FBN2: variants seen among roughly 807,000 people sequenced by gnomAD.
FBN2 encodes the protein fibrillin-2.
In FBN2, 105 loss-of-function variants were observed where a neutral mutation model predicts 355.6. That is an observed-to-expected ratio of 0.30 (90% CI 0.25 to 0.35). FBN2 has a LOEUF of 0.35. FBN2 is among the 10% of genes least tolerant of loss of function. The pLI is 1.00. For missense variants in FBN2, 3,280 were observed against 3,758.7 expected (o/e 0.87, Z 3.33); for synonymous variants, 1,350 against 1,301.2 (o/e 1.04, Z -0.81).
chr5:128,382,362 G>A (rs1025960975), intron 11 of FBN2, among the ~76,000 whole-genome samples: 14 of 152,118 alleles, frequency 9.2e-5, no homozygotes, highest in East Asian at 1.9e-4. Context: ...AACGAGGTGC[G>A]TCTGAGTTGA....
intron 5 of FBN2, among the ~76,000 whole-genome samples, chr5:128,487,874 C>T (rs1416507434): frequency 6.6e-6 from 1 of 152,082 alleles, no homozygotes; most frequent in Non-Finnish European, 1.5e-5. Context: ...ATCATAACCC[C>T]TTATGTCCCT....
intron 5 of FBN2, among the ~76,000 whole-genome samples, chr5:128,484,899 C>A (rs1192066061): frequency 2.0e-5 from 3 of 152,202 alleles, no homozygotes; most frequent in Admixed American, 2.0e-4. Context: ...TACGATCACA[C>A]CCACGGGCAT....
At chr5:128,284,597 A>C (rs926484229) in intron 55 of FBN2, among the ~76,000 whole-genome samples, 1 of 152,108 alleles carries the variant, frequency 6.6e-6, no homozygotes, top group Non-Finnish European at 1.5e-5. Context: ...GTGTAGTTTC[A>C]ATTCATGTTT....
chr5:128,385,912 T>C (rs1561430710), intron 11 of FBN2, among the ~76,000 whole-genome samples: 1 of 152,088 alleles, frequency 6.6e-6, no homozygotes, highest in Non-Finnish European at 1.5e-5. Context: ...AAGTTACTTA[T>C]AGATTCTGGA....
intron 25 of FBN2, among the ~76,000 whole-genome samples, chr5:128,340,273 G>C (rs1750974859): frequency 6.6e-6 from 1 of 152,116 alleles, no homozygotes; most frequent in Non-Finnish European, 1.5e-5. Context: ...ACAGGATTTA[G>C]TGCATAATTT....
At chr5:128,480,030 A>G (rs1755133248) in intron 5 of FBN2, among the ~76,000 whole-genome samples, 1 of 67,988 alleles carries the variant, frequency 1.5e-5, no homozygotes, top group Non-Finnish European at 3.2e-5. Context: ...ATATGTATAT[A>G]CACACACACA....
rs914643046 is a variant in FBN2, at chr5:128,463,895, C to A, written c.826+829G>T. On this transcript the variant is annotated intron_variant, in intron 6 of 64. Transcript: ENST00000262464. ...AATAATATTATTTATGTGAATAATA[C>A]AAAAATCATTTCTGTTTTCCTGTGA... Among the ~76,000 whole-genome samples the A allele has an allele frequency of 3.9e-5, 6 of 152,148 alleles. No individual in the cohort carries two copies. In the South Asian group the frequency reaches 6.2e-4, roughly 16 times the overall value.
In FBN2 at chr5:128,408,708, T is replaced by C. The variant is rs1018293649; in HGVS notation, c.1044A>G (p.Gly348=). Residue 348 remains glycine, a synonymous_variant, in exon 8 of 65, where the codon GGA becomes GGG. Transcript: ENST00000262464. ...VGSYFCVCPR[G]YVTSTDGSRC... is the part of the protein sequence containing the mutation. ...GAGAGCCATCTGTTGAGGTTACATA[T>C]CCACGTGGACAAACACAAAAATAGC... is the stretch of plus-strand genomic sequence containing the variant. 6.2e-7 allele frequency: 1 copy of C among 1,613,998 alleles called. No individual in the cohort carries two copies. The highest frequency in any genetic ancestry group is 8.5e-7 in the Non-Finnish European group (1 of 1,179,930).
intron 36 of FBN2, 112 bp from the exon 37 acceptor site, chr5:128,312,907 G>T: frequency 8.3e-7 from 1 of 1,210,664 alleles, no homozygotes; most frequent in Non-Finnish European, 1.2e-6. Context: ...TAACATGAAA[G>T]GTTCCTTTTA....
chr5:128,259,152 T>G lies in FBN2; in HGVS notation c.*303A>C. On this transcript the variant is annotated 3_prime_UTR_variant, in exon 65 of 65. Coordinates refer to ENST00000262464, the MANE Select transcript of FBN2 (RefSeq NM_001999.4). ...ACAGGAAAAAAAAAAAAAGCTCACA[T>G]TATTTTTGTGCATTTAGTGCCATAT... 1 of 299,086 alleles carries G rather than the reference T, an allele frequency of 3.3e-6. No individual in the cohort carries two copies. Among genetic ancestry groups the G allele is most frequent in the Non-Finnish European group, 6.3e-6 (1 of 159,982 alleles). The allele number at this position is 299,086 out of a possible 1,614,324, so 18.5% of individuals were successfully genotyped here. A position where few individuals can be genotyped will look rare whatever the true frequency, so the allele number is the denominator to read the frequency against.
At chr5:128,409,811 C>A (rs1753017932) in intron 7 of FBN2, among the ~76,000 whole-genome samples, 1 of 152,052 alleles carries the variant, frequency 6.6e-6, no homozygotes, top group African/African-American at 2.4e-5. Flanking sequence ...TGCATTTATT[C>A]TTTTAAAATG....
At chr5:128,527,188 C>G (rs1756584121) in intron 4 of FBN2, among the ~76,000 whole-genome samples, 1 of 152,044 alleles carries the variant, frequency 6.6e-6, no homozygotes, top group Admixed American at 6.6e-5. Flanking sequence ...AAAAATGTCC[C>G]ACAATTTAGA....
chr5:128,417,564 G>A (rs2099470), intron 7 of FBN2, among the ~76,000 whole-genome samples: 360 of 152,244 alleles, frequency 2.4e-3, no homozygotes, highest in African/African-American at 8.2e-3. Flanking sequence ...ATGAAGGGAT[G>A]ATGGATTTTA....
At chr5:128,397,052 G>A (rs1182854569) in intron 8 of FBN2, among the ~76,000 whole-genome samples, 7 of 151,896 alleles carry the variant, frequency 4.6e-5, no homozygotes, top group South Asian at 4.2e-4. Flanking sequence ...TATAAGAATC[G>A]AACAACTCCT....
intron 23 of FBN2, among the ~76,000 whole-genome samples, chr5:128,346,534 T>A (rs1171183099): frequency 1.3e-5 from 2 of 152,258 alleles, no homozygotes; most frequent in Non-Finnish European, 2.9e-5. Context: ...TTACTGTCAA[T>A]ATTGATTCTT....
At chr5:128,474,370 A>G (rs1754953665) in intron 5 of FBN2, among the ~76,000 whole-genome samples, 1 of 152,238 alleles carries the variant, frequency 6.6e-6, no homozygotes, top group Non-Finnish European at 1.5e-5. Context: ...ATTTAAAAGT[A>G]CCACATTTTA....
At chr5:128,338,765 C>T (rs1750912711) in intron 26 of FBN2, among the ~76,000 whole-genome samples, 168 bp downstream of exon 26, 1 of 152,202 alleles carries the variant, frequency 6.6e-6, no homozygotes, top group Non-Finnish European at 1.5e-5. Context: ...TCCCCGAGAG[C>T]TATCCAGGAG....
chr5:128,337,429 T>C (rs3805635), intron 27 of FBN2, among the ~76,000 whole-genome samples: 12,389 of 152,264 alleles, frequency 0.081, 710 homozygotes, highest in Admixed American at 0.18. Flanking sequence ...ACTAGGAACA[T>C]AGTAAGTCCA....
At chr5:128,437,185 C>A (rs1212006656) in intron 7 of FBN2, among the ~76,000 whole-genome samples, 1 of 152,092 alleles carries the variant, frequency 6.6e-6, no homozygotes, top group Non-Finnish European at 1.5e-5. Flanking sequence ...AGTCTTTGTA[C>A]CTGAAAGTAT....
Sources: allele counts gnomAD v4.1 joint callset (sites outside exome capture counted in the v4.1 genomes callset), GRCh38; gene constraint gnomAD v4.1.1; transcripts MANE v1.5; gene names NCBI Gene and HGNC (gene_info 2026-07-23, HGNC 2026-07-21).